The following CDK14 variants were observed in gnomAD, a reference collection of about 807,000 sequenced individuals.
The protein encoded by CDK14 is cyclin dependent kinase 14.
CDK14 carries 34 observed loss-of-function variants against 60.7 expected under a neutral mutation model. That is an observed-to-expected ratio of 0.56 (90% CI 0.43 to 0.75). The LOEUF is 0.75. CDK14 is among the 30% of genes least tolerant of loss of function. The pLI is 0.00. For synonymous variants in CDK14, 197 were observed against 203.7 expected (o/e 0.97, Z 0.28); for missense variants, 482 against 564.1 (o/e 0.85, Z 1.47).
chr7:90,716,467 A>G (rs1424308774), intron 2 of CDK14: 3 of 152,088 alleles, frequency 2.0e-5, no homozygotes, highest in Non-Finnish European at 4.4e-5. Flanking sequence ...GTTTTTATAG[A>G]TATGATGGCT....
intron 2 of CDK14, among the ~76,000 whole-genome samples, chr7:90,620,784 A>G (rs1181677209): frequency 1.3e-5 from 2 of 152,144 alleles, no homozygotes; most frequent in Non-Finnish European, 2.9e-5. Flanking sequence ...GCTGAGGGGC[A>G]CATGGAGACT....
At chr7:90,687,111 A>G (rs544900643) in intron 2 of CDK14, among the ~76,000 whole-genome samples, 67 of 152,228 alleles carry the variant, frequency 4.4e-4, no homozygotes, top group Non-Finnish European at 7.8e-4. Flanking sequence ...AAGTAGATCA[A>G]ATCATCCACA....
intron 4 of CDK14, among the ~76,000 whole-genome samples, chr7:90,756,858 G>A (rs1804081173): frequency 6.6e-6 from 1 of 152,150 alleles, no homozygotes; most frequent in South Asian, 2.1e-4. Context: ...AAGCTGTCTG[G>A]CATTTGTAGA....
chr7:90,705,074 A>C (rs1036120148), intron 2 of CDK14, among the ~76,000 whole-genome samples: 1 of 151,990 alleles, frequency 6.6e-6, no homozygotes, highest in Non-Finnish European at 1.5e-5. Flanking sequence ...CTAGGGTTAT[A>C]TGGAATTATA....
chr7:90,743,927 G>A (rs1249860869), intron 3 of CDK14, among the ~76,000 whole-genome samples: 1 of 150,888 alleles, frequency 6.6e-6, no homozygotes, highest in Admixed American at 6.6e-5. Context: ...TTTTTAATCT[G>A]AGAGCTTTTC....
In CDK14 at chr7:90,794,792, A is replaced by C. The variant is rs1343757172; in HGVS notation, c.544+4140A>C. Among the ~76,000 whole-genome samples, 5 of 152,250 alleles carry C rather than the reference A, an allele frequency of 3.3e-5. No homozygotes were observed. The East Asian group carries it at 9.6e-4, about 29-fold the overall frequency. ...GGGATTAAGAGATTAAAGTAAAGAC[A>C]GGCATAGGAAATCACAAGAGTATTG... is the stretch of plus-strand genomic sequence containing the variant. On this transcript the variant is annotated intron_variant, in intron 5 of 14. Coordinates refer to ENST00000380050, the MANE Select transcript of CDK14 (RefSeq NM_001287135.2).
intron 14 of CDK14, among the ~76,000 whole-genome samples, chr7:91,200,982 T>C (rs1218873661): frequency 6.6e-6 from 1 of 152,204 alleles, no homozygotes; most frequent in Non-Finnish European, 1.5e-5. Context: ...ATACATCCAC[T>C]AAATTTGGCA....
chr7:90,906,985 C>T (rs1323628143), intron 7 of CDK14, among the ~76,000 whole-genome samples: 1 of 152,016 alleles, frequency 6.6e-6, no homozygotes, highest in Non-Finnish European at 1.5e-5. Flanking sequence ...ATCAGTATGG[C>T]ATTCTGAAAT....
intron 11 of CDK14, among the ~76,000 whole-genome samples, chr7:91,074,160 C>G (rs1798230942): frequency 6.6e-6 from 1 of 152,202 alleles, no homozygotes; most frequent in Non-Finnish European, 1.5e-5. Flanking sequence ...TAATAGACAG[C>G]TACAGAACTC....
chr7:91,165,802 T>A (rs1801327548), intron 14 of CDK14, among the ~76,000 whole-genome samples: 1 of 152,234 alleles, frequency 6.6e-6, no homozygotes, highest in South Asian at 2.1e-4. Context: ...TAAAGTTATC[T>A]CTATGGCATT....
At chr7:90,634,731 T>C (rs1800095106) in intron 2 of CDK14, among the ~76,000 whole-genome samples, 1 of 151,848 alleles carries the variant, frequency 6.6e-6, no homozygotes, top group Admixed American at 6.6e-5. Flanking sequence ...ATGGTTGAAC[T>C]AGTTTACAGT....
At chr7:90,841,544 C>T (rs1226430152) in intron 5 of CDK14, among the ~76,000 whole-genome samples, 1 of 151,790 alleles carries the variant, frequency 6.6e-6, no homozygotes, top group Non-Finnish European at 1.5e-5. Flanking sequence ...TAATTGCCTC[C>T]TTTTTTGTTA....
intron 2 of CDK14, among the ~76,000 whole-genome samples, chr7:90,636,426 T>G (rs1800151265): frequency 6.6e-6 from 1 of 152,138 alleles, no homozygotes; most frequent in African/African-American, 2.4e-5. Flanking sequence ...GTTTATATAC[T>G]GGATTACATT....
intron 14 of CDK14, among the ~76,000 whole-genome samples, chr7:91,201,529 GA>G (rs61250789): frequency 0.022 from 3,150 of 142,352 alleles, 101 homozygotes; most frequent in African/African-American, 0.073. Context: ...AATGCAGCAG[GA>G]AAAAAAAAAA....
At chr7:90,982,384 G>C (rs1173910471) in intron 9 of CDK14, among the ~76,000 whole-genome samples, 2 of 152,168 alleles carry the variant, frequency 1.3e-5, no homozygotes, top group Non-Finnish European at 2.9e-5. Flanking sequence ...CTGGCACTCA[G>C]GTAGATCAGT....
At chr7:91,191,774 T>C (rs754622965) in intron 14 of CDK14, among the ~76,000 whole-genome samples, 1 of 152,108 alleles carries the variant, frequency 6.6e-6, no homozygotes, top group African/African-American at 2.4e-5. Context: ...AATGTATGTA[T>C]GCTTTGATTT....
intron 10 of CDK14, among the ~76,000 whole-genome samples, chr7:91,007,789 GA>G (rs143025433): frequency 0.2 from 28,276 of 144,898 alleles, 2,743 homozygotes; most frequent in Middle Eastern, 0.29. Context: ...CAGGAGGGAG[GA>G]AAAAAAAAAC....
Position 90,733,935 on chromosome 7 carries a change from T to C in CDK14, c.369+7123T>C, listed in dbSNP as rs764720147. ...TCTTTACAATTTGGTATGTTTTTAC[T>C]GTGGCTGGTACTGGTTGTTCCTTTC... is the stretch of plus-strand genomic sequence containing the variant. On this transcript the variant is annotated intron_variant, in intron 3 of 14. Coordinates refer to ENST00000380050, the MANE Select transcript of CDK14 (RefSeq NM_001287135.2). Among the ~76,000 whole-genome samples, 5 of 152,334 alleles carry C rather than the reference T, an allele frequency of 3.3e-5. No individual in the cohort carries two copies. In the South Asian group the frequency reaches 6.2e-4, roughly 19 times the overall value.
rs1304775967 is a variant in CDK14, at chr7:90,596,815, G to T, written c.91+97G>T. 9 of 1,036,998 alleles carry T rather than the reference G, an allele frequency of 8.7e-6. No homozygotes were observed. The Admixed American group carries it at 1.4e-4, about 16-fold the overall frequency. 64.2% of individuals were successfully genotyped at this position (1,036,998 alleles called of 1,614,324 possible). A position where few individuals can be genotyped will look rare whatever the true frequency, so the allele number is the denominator to read the frequency against. On this transcript the variant is annotated intron_variant, in intron 1 of 14. Transcript: ENST00000380050. ...CACCAGCCATGCAGCTGCCAGCGGGGCTGGCGTGGGGTGCGTTGTAGGCGG... is the reference window on the plus strand; with the variant it reads ...CACCAGCCATGCAGCTGCCAGCGGGTCTGGCGTGGGGTGCGTTGTAGGCGG...
Sources: gnomAD v4.1 joint callset for allele counts (sites outside exome capture counted in the v4.1 genomes callset) on GRCh38, gnomAD v4.1.1 for gene constraint, MANE v1.5 for transcripts, NCBI Gene and HGNC (gene_info 2026-07-23, HGNC 2026-07-21) for gene names.